The following CASZ1 variants were observed in gnomAD, a reference collection of about 807,000 sequenced individuals.
The protein encoded by CASZ1 is castor zinc finger 1, also known as zinc finger protein castor homolog 1.
Under a neutral mutation model 135.2 loss-of-function variants are expected in CASZ1, and 28 were observed. The observed-to-expected ratio is 0.21, with a 90% CI of 0.15 to 0.28. CASZ1 has a LOEUF of 0.28. CASZ1 is among the 10% of genes least tolerant of loss of function. CASZ1 has a pLI of 1.00. For synonymous variants in CASZ1, 1,068 were observed against 1,073.4 expected (o/e 0.99, Z 0.10); for missense variants, 2,161 against 2,453.3 (o/e 0.88, Z 2.52).
At chr1:10,748,542 A>T (rs990372283) in intron 2 of CASZ1, among the ~76,000 whole-genome samples, 1 of 152,148 alleles carries the variant, frequency 6.6e-6, no homozygotes, top group African/African-American at 2.4e-5. Context: ...AGTGACGGCC[A>T]TGTCTATAAA....
chr1:10,715,513 AC>A (rs1639362223), intron 2 of CASZ1, among the ~76,000 whole-genome samples: 3 of 142,146 alleles, frequency 2.1e-5, no homozygotes, highest in Admixed American at 7.0e-5. Context: ...CCCAATCCAC[AC>A]CCCACAGCAC....
At chr1:10,672,330 C>T (rs914201558) in intron 4 of CASZ1, among the ~76,000 whole-genome samples, 3 of 151,118 alleles carry the variant, frequency 2.0e-5, no homozygotes, top group Admixed American at 6.7e-5. Flanking sequence ...TCATTACAAA[C>T]GACTTTCCGA....
chr1:10,781,986 A>G (rs1475696980), intron 1 of CASZ1, among the ~76,000 whole-genome samples: 1 of 152,200 alleles, frequency 6.6e-6, no homozygotes, highest in Non-Finnish European at 1.5e-5. Context: ...CCTTTTCCAG[A>G]AAGAGTCCCC....
chr1:10,663,216 A>C (rs1643107464), intron 5 of CASZ1, among the ~76,000 whole-genome samples: 1 of 152,124 alleles, frequency 6.6e-6, no homozygotes, highest in African/African-American at 2.4e-5. Flanking sequence ...CAGGTCTGGG[A>C]TCCTCAGAGA....
chr1:10,781,551 C>A (rs529902858), intron 1 of CASZ1, among the ~76,000 whole-genome samples: 2 of 152,210 alleles, frequency 1.3e-5, no homozygotes, highest in Non-Finnish European at 2.9e-5. Context: ...CTGTACTGGG[C>A]GGACACGTTT....
chr1:10,651,192 TCAG>T (rs1642570802), intron 11 of CASZ1, 116 bp from the exon 12 acceptor site: 2 of 763,292 alleles, frequency 2.6e-6, no homozygotes, highest in African/African-American at 1.8e-5. Context: ...CGGCTACTGG[TCAG>T]CGCTTCTCCC....
rs1314140921 is a variant in CASZ1 at position 10,759,668 on chromosome 1, C to T, written c.-77+1033G>A. Among the ~76,000 whole-genome samples, 2 of 152,186 alleles carry T rather than the reference C, an allele frequency of 1.3e-5. No homozygotes were observed. The highest frequency in any genetic ancestry group is 2.9e-5 in the Non-Finnish European group (2 of 68,028). ...TCCCGTCTCTGCAAGCGCTTCCTCC[C>T]TGCAAGTTCGAAGTCCAGGGCTGCT... On this transcript the variant is annotated intron_variant, in intron 2 of 20. Transcript: ENST00000377022. The surrounding 1 kb of genome is among the most constrained non-coding windows in gnomAD (Gnocchi z 4.2).
At position 10,724,988 on chromosome 1, in the gene CASZ1, TG is replaced by T. The variant is rs1433914647; in HGVS notation, c.-76-19445del. ...CAAATTACTTAATGTGTTGTAAATC[TG>T]GGGGAATTCAGGAGTAATTGGGACC... On this transcript the variant is annotated intron_variant, in intron 2 of 20. Transcript: ENST00000377022. The surrounding 1 kb of genome is among the most constrained non-coding windows in gnomAD (Gnocchi z 4.1). Among the ~76,000 whole-genome samples, 1 of 152,216 alleles carries T rather than the reference TG, an allele frequency of 6.6e-6. No individual in the cohort carries two copies. The highest frequency in any genetic ancestry group is 1.5e-5 in the Non-Finnish European group (1 of 68,032).
intron 5 of CASZ1, 67 bp from the exon 6 acceptor site, chr1:10,660,603 G>A: frequency 1.4e-6 from 2 of 1,427,938 alleles, no homozygotes; most frequent in African/African-American, 1.4e-5. Context: ...TCCCCCCACT[G>A]GGGGCCCCCA....
intron 4 of CASZ1, among the ~76,000 whole-genome samples, chr1:10,687,175 G>A (rs990256236): frequency 2.6e-5 from 4 of 152,082 alleles, no homozygotes; most frequent in Non-Finnish European, 5.9e-5. Flanking sequence ...CTCACACAGC[G>A]CAGTCCCTCC....
Position 10,688,810 on chromosome 1 carries a change from G to A in CASZ1, c.16+5064C>T, listed in dbSNP as rs1025698169. Among the ~76,000 whole-genome samples, 6 of 152,266 alleles carry A rather than the reference G, an allele frequency of 3.9e-5. No individual in the cohort carries two copies. In the South Asian group the frequency reaches 8.3e-4, roughly 21 times the overall value. On this transcript the variant is annotated intron_variant, in intron 4 of 20. Transcript: ENST00000377022. ...GCTGCTGCCCTGCACAGGTGGTCCC[G>A]GCGAGGCTGCCCCTCCTCTTTTGCA... is the stretch of plus-strand genomic sequence containing the variant.
chr1:10,643,234 G>T lies in CASZ1; in HGVS notation c.3946C>A (p.Gln1316Lys). ...TGCTTCCGCGCGTGGGAGGTCATCT[G>T]GTGCTTGAGGAGGAAGGAGAACTGG... ...GCQFSFLLKH[Q>K]MTSHARKHMR... Residue 1316 changes from glutamine (Q) to lysine (K), a missense_variant, in exon 19 of 21, where the codon CAG (glutamine) becomes AAG (lysine). Physicochemically the swap from Gln to Lys is moderately conservative, Grantham distance 53 (BLOSUM62 1). Around this residue, in one of 7 missense-constraint regions of CASZ1, gnomAD observed 349 missense variants for 460.8 expected, o/e 0.76. Coordinates refer to ENST00000377022, the MANE Select transcript of CASZ1 (RefSeq NM_001079843.3). The T allele has an allele frequency of 6.2e-7, 1 of 1,613,098 alleles. No homozygotes were observed. The highest frequency in any genetic ancestry group is 8.5e-7 in the Non-Finnish European group (1 of 1,180,014).
chr1:10,764,910 G>T (rs1428264377), intron 1 of CASZ1, among the ~76,000 whole-genome samples: 1 of 152,188 alleles, frequency 6.6e-6, no homozygotes, highest in East Asian at 1.9e-4. Flanking sequence ...CTGGACTGTG[G>T]TCATGCCCAT....
intron 5 of CASZ1, among the ~76,000 whole-genome samples, chr1:10,663,348 G>C (rs1643112231): frequency 6.6e-6 from 1 of 152,176 alleles, no homozygotes; most frequent in Non-Finnish European, 1.5e-5. Flanking sequence ...GGGGAGGAGA[G>C]GACAGTCACA....
rs1349128323 is a variant in CASZ1 at position 10,694,110 on chromosome 1, G to A, written c.-23-198C>T. ...CGCTCGGCCCCGCACGCGCCCGCGG[G>A]TCCGCGCCGCCTGAGTTTCTCCAAC... On this transcript the variant is annotated intron_variant, in intron 3 of 20. Transcript: ENST00000377022. The surrounding 1 kb of genome is among the most constrained non-coding windows in gnomAD (Gnocchi z 6.6). 6.0e-5 allele frequency among the ~76,000 whole-genome samples: 9 copies of A among 150,758 alleles called. No homozygotes were observed. The East Asian group carries it at 1.8e-3, about 30-fold the overall frequency.
rs541316668 is a variant in CASZ1 at position 10,636,649 on chromosome 1, G to A, written c.*2293C>T. The A allele has an allele frequency of 1.5e-5, 2 of 129,098 alleles. No homozygotes were observed. Among genetic ancestry groups the A allele is most frequent in the African/African-American group, 3.0e-5 (1 of 32,856 alleles). 8.0% of individuals were successfully genotyped at this position (129,098 alleles called of 1,614,324 possible). On this transcript the variant is annotated 3_prime_UTR_variant, in exon 21 of 21. Transcript: ENST00000377022. The stretch of plus-strand genomic sequence containing the variant: ...AGTGAAAATGTCAAACCTTGCATCA[G>A]TCATGCAAAAAAAAAAAAAAAAATC...
Position 10,717,784 on chromosome 1 carries a change from C to A in CASZ1, c.-76-12240G>T, listed in dbSNP as rs911662351. 6.6e-6 allele frequency among the ~76,000 whole-genome samples: 1 copy of A among 152,030 alleles called. No homozygotes were observed. The highest frequency in any genetic ancestry group is 6.5e-5 in the Admixed American group (1 of 15,272). On this transcript the variant is annotated intron_variant, in intron 2 of 20. Coordinates refer to ENST00000377022, the MANE Select transcript of CASZ1 (RefSeq NM_001079843.3). The surrounding 1 kb of genome is among the most constrained non-coding windows in gnomAD (Gnocchi z 4.6). ...GGCTTCCTGACCCAACTCTGGAAGC[C>A]GAAGGGAGCTATGAATAGAGACGTC...
At chr1:10,751,058 T>A (rs1197988161) in intron 2 of CASZ1, among the ~76,000 whole-genome samples, 1 of 151,716 alleles carries the variant, frequency 6.6e-6, no homozygotes, top group Non-Finnish European at 1.5e-5. Flanking sequence ...CTGGCTGCGA[T>A]TGTAACTGTC....
rs1041110879 is a variant in CASZ1 at position 10,794,887 on chromosome 1, C to A, written c.-234+1677G>T. On this transcript the variant is annotated intron_variant, in intron 1 of 20. Transcript: ENST00000377022. The surrounding 1 kb of genome is among the most constrained non-coding windows in gnomAD (Gnocchi z 5.6). Reference sequence around the variant, plus strand: ...GCTCCGCAGCGGCCCAGCAACCGCCCGCCCGCCCGCGCCCGGCCAGCCCCC... The same window carrying A: ...GCTCCGCAGCGGCCCAGCAACCGCCAGCCCGCCCGCGCCCGGCCAGCCCCC... 6.6e-6 allele frequency among the ~76,000 whole-genome samples: 1 copy of A among 151,112 alleles called. No homozygotes were observed.
Sources: gnomAD v4.1 joint callset for allele counts (sites outside exome capture counted in the v4.1 genomes callset) on GRCh38, gnomAD v4.1.1 for gene constraint, gnomAD v4.1.1 regional missense constraint, Gnocchi (gnomAD v3.1) non-coding constraint, MANE v1.5 for transcripts, NCBI Gene and HGNC (gene_info 2026-07-23, HGNC 2026-07-21) for gene names.